The following SERPINE2 variants were observed in gnomAD, a reference collection of about 807,000 sequenced individuals.
SERPINE2 encodes serpin family E member 2, also known as glia-derived nexin.
In SERPINE2, 14 loss-of-function variants were observed where a neutral mutation model predicts 36.3. The observed-to-expected ratio is 0.39, with a 90% CI of 0.25 to 0.60. The LOEUF is 0.60. Ranked by LOEUF, SERPINE2 falls within the 20% of genes least tolerant of loss-of-function variation. The pLI is 0.57. For missense variants in SERPINE2, 418 were observed against 499.6 expected (o/e 0.84, Z 1.56); for synonymous variants, 192 against 191.8 (o/e 1.00, Z -0.01).
intron 8 of SERPINE2, among the ~76,000 whole-genome samples, chr2:223,976,305 CACT>C (rs1005173720): frequency 5.9e-5 from 9 of 152,198 alleles, no homozygotes; most frequent in African/African-American, 2.2e-4. Flanking sequence ...CACCCACCAC[CACT>C]GCCAGCCAAT....
chr2:224,010,634 A>G (rs963793975), intron 1 of SERPINE2, among the ~76,000 whole-genome samples: 1 of 152,214 alleles, frequency 6.6e-6, no homozygotes, highest in African/African-American at 2.4e-5. Flanking sequence ...CCCATTAACC[A>G]AGAGATCCAA....
chr2:224,004,805 T>C (rs1378729191), intron 1 of SERPINE2, among the ~76,000 whole-genome samples: 1 of 151,674 alleles, frequency 6.6e-6, no homozygotes, highest in Non-Finnish European at 1.5e-5. Flanking sequence ...TTGTTGTCTC[T>C]TGCATTATAG....
chr2:223,989,541 T>C (rs1237928341), intron 4 of SERPINE2, among the ~76,000 whole-genome samples: 1 of 152,206 alleles, frequency 6.6e-6, no homozygotes, highest in Non-Finnish European at 1.5e-5. Context: ...ATGGCGGTAC[T>C]TTCTTCACAG....
intron 7 of SERPINE2, chr2:223,977,921 A>T: frequency 3.3e-6 from 1 of 305,354 alleles, no homozygotes; most frequent in Non-Finnish European, 6.3e-6. Flanking sequence ...TAATTAAATG[A>T]CATAAGATAT....
At chr2:223,999,436 G>T (rs545313134) in intron 2 of SERPINE2, among the ~76,000 whole-genome samples, 1 of 152,124 alleles carries the variant, frequency 6.6e-6, no homozygotes, top group African/African-American at 2.4e-5. Flanking sequence ...CTAAAGAGCC[G>T]ATTTGTCACT....
intron 1 of SERPINE2, among the ~76,000 whole-genome samples, chr2:224,025,374 C>A (rs546251603): frequency 4.6e-5 from 7 of 152,282 alleles, no homozygotes; most frequent in Middle Eastern, 3.4e-3. Context: ...AAGAGTGAGG[C>A]TCCCCTCCTC....
chr2:224,002,627 G>A (rs1004871821), intron 1 of SERPINE2, among the ~76,000 whole-genome samples: 2 of 150,870 alleles, frequency 1.3e-5, no homozygotes, highest in African/African-American at 4.9e-5. Context: ...TGAATATGTG[G>A]GATTACAAGT....
At chr2:224,025,297 C>T (rs868861124) in intron 1 of SERPINE2, among the ~76,000 whole-genome samples, 38 of 152,304 alleles carry the variant, frequency 2.5e-4, no homozygotes, top group African/African-American at 8.7e-4. Context: ...CCAGCTTTCA[C>T]CTCTCTTTTT....
intron 1 of SERPINE2, among the ~76,000 whole-genome samples, chr2:224,006,051 G>A (rs1691412544): frequency 1.3e-5 from 2 of 152,170 alleles, no homozygotes; most frequent in African/African-American, 4.8e-5. Context: ...AGTAAATAAT[G>A]GGATGGTAGT....
chr2:224,024,062 A>G (rs753530643), intron 1 of SERPINE2, among the ~76,000 whole-genome samples: 9 of 152,224 alleles, frequency 5.9e-5, no homozygotes, highest in Non-Finnish European at 1.3e-4. Context: ...GCCATTTTCC[A>G]AAATATAGTA....
intron 1 of SERPINE2, among the ~76,000 whole-genome samples, chr2:224,037,619 A>G (rs1247168361): frequency 2.0e-5 from 3 of 152,212 alleles, no homozygotes; most frequent in African/African-American, 4.8e-5. Context: ...AGAGGACAGC[A>G]AGGCTGAGAT....
At chr2:224,024,897 G>A (rs1692133551) in intron 1 of SERPINE2, among the ~76,000 whole-genome samples, 1 of 152,148 alleles carries the variant, frequency 6.6e-6, no homozygotes, top group African/African-American at 2.4e-5. Flanking sequence ...GGATGAAGGG[G>A]GCTGAGCTTC....
intron 4 of SERPINE2, among the ~76,000 whole-genome samples, chr2:223,988,777 T>C (rs1012492781): frequency 6.6e-6 from 1 of 152,202 alleles, no homozygotes; most frequent in Admixed American, 6.5e-5. Context: ...TGCAGTGTTG[T>C]TATAGGAAAA....
intron 7 of SERPINE2, chr2:223,980,000 G>C (rs1215399739): frequency 9.6e-6 from 2 of 207,836 alleles, no homozygotes; most frequent in Non-Finnish European, 1.9e-5. Context: ...AAAGAGCTAA[G>C]AAGCTGTAAT....
intron 1 of SERPINE2, among the ~76,000 whole-genome samples, chr2:224,015,503 A>G (rs1206841906): frequency 1.3e-5 from 2 of 152,212 alleles, no homozygotes; most frequent in Non-Finnish European, 2.9e-5. Flanking sequence ...ACCATGGATT[A>G]TTCTGGAAAT....
At chr2:223,995,227 C>T (rs996088238) in intron 3 of SERPINE2, among the ~76,000 whole-genome samples, 3 of 152,170 alleles carry the variant, frequency 2.0e-5, no homozygotes, top group Non-Finnish European at 4.4e-5. Flanking sequence ...AAGGCCTGCG[C>T]GTTGGGCTCT....
At chr2:224,019,686 A>ACCATCATG (rs1397929598) in intron 1 of SERPINE2, among the ~76,000 whole-genome samples, 6 of 151,490 alleles carry the variant, frequency 4.0e-5, no homozygotes, top group African/African-American at 1.5e-4. Context: ...ACCATCATGT[A>ACCATCATG]TTAAGGTCAA....
chr2:223,996,796 G>C (rs1690906223), intron 3 of SERPINE2, among the ~76,000 whole-genome samples: 1 of 152,216 alleles, frequency 6.6e-6, no homozygotes, highest in African/African-American at 2.4e-5. Context: ...AGGCTCTATA[G>C]CCAGGCACAG....
At chr2:224,035,802 C>T (rs1047839116) in intron 1 of SERPINE2, among the ~76,000 whole-genome samples, 2 of 152,170 alleles carry the variant, frequency 1.3e-5, no homozygotes, top group African/African-American at 2.4e-5. Flanking sequence ...AGTGGCACAC[C>T]GGCCACCATT....
Sources: gnomAD v4.1 joint callset for allele counts (sites outside exome capture counted in the v4.1 genomes callset) on GRCh38, gnomAD v4.1.1 for gene constraint, MANE v1.5 for transcripts, NCBI Gene and HGNC (gene_info 2026-07-23, HGNC 2026-07-21) for gene names.